The following ZNF469 variants were observed in gnomAD, a reference collection of about 807,000 sequenced individuals.
The protein encoded by ZNF469 is zinc finger protein 469.
ZNF469 carries 1 observed loss-of-function variant against 1.0 expected under a neutral mutation model. The ratio of observed to expected loss-of-function variants is 1.00; its 90% CI spans 0.35 to 4.73. The LOEUF (loss-of-function observed/expected upper bound fraction) is 4.73. Ranked by LOEUF, ZNF469 falls within the 30% of genes most tolerant of loss-of-function variation. The pLI, the probability that ZNF469 is intolerant of heterozygous loss-of-function variation, is 0.16. For missense variants in ZNF469, 6,100 were observed against 5,356.3 expected (o/e 1.14, Z -4.33); for synonymous variants, 2,703 against 2,363.4 (o/e 1.14, Z -4.17).
chr16:88,256,893 TCC>T, the ZNF469 span, among the ~76,000 whole-genome samples: 3 of 46,060 alleles, frequency 6.5e-5, no homozygotes, highest in East Asian at 4.5e-4. Context: ...TTCTTTTCTT[TCC>T]TTCTTTCTTT....
chr16:88,160,518 G>C, the ZNF469 span, among the ~76,000 whole-genome samples: 2 of 152,166 alleles, frequency 1.3e-5, no homozygotes, highest in Non-Finnish European at 2.9e-5. Flanking sequence ...TTTTCTGCGG[G>C]TGCGGGAGGC....
At chr16:88,233,729 C>T in the ZNF469 span, among the ~76,000 whole-genome samples, 6 of 152,248 alleles carry the variant, frequency 3.9e-5, no homozygotes, top group East Asian at 5.8e-4. Context: ...CTGGCTGTGC[C>T]GAGGTGCCTG....
At position 88,393,193 on chromosome 16, in the gene ZNF469, C is replaced by T. The variant is rs1032300808; in HGVS notation, c.-192+9939C>T. The stretch of plus-strand genomic sequence containing the variant: ...AGCCCGTGTGCATTCCTGCCTCGCC[C>T]GCCCTGGAGTGCCCTCCCAGCGGAA... On this transcript the variant is annotated intron_variant, in intron 1 of 2. Coordinates refer to ENST00000565624, the MANE Select transcript of ZNF469 (RefSeq NM_001367624.2). 3.9e-5 allele frequency among the ~76,000 whole-genome samples: 6 copies of T among 152,270 alleles called. No homozygotes were observed. In the East Asian group the frequency reaches 5.8e-4, roughly 15 times the overall value.
the ZNF469 span, among the ~76,000 whole-genome samples, chr16:88,356,891 T>C: frequency 6.6e-6 from 1 of 152,244 alleles, no homozygotes; most frequent in South Asian, 2.1e-4. Context: ...GAATCCCGGC[T>C]CTCCTGTTAG....
chr16:88,356,725 C>T, the ZNF469 span, among the ~76,000 whole-genome samples: 1 of 152,176 alleles, frequency 6.6e-6, no homozygotes, highest in Non-Finnish European at 1.5e-5. Context: ...CGTTCCGTGA[C>T]CTTGACGCAG....
At position 88,434,435 on chromosome 16, in the gene ZNF469, T is replaced by C. The variant is rs531612776; in HGVS notation, c.6965T>C (p.Met2322Thr). ...CCGCCCCACACCAACCCTGACAGGA[T>C]GCCCAGGGGCCACTCCTCGTATTCT... ...GAPPHTNPDRMPRGHSSYSPS... is the reference protein window; with the variant it reads ...GAPPHTNPDRTPRGHSSYSPS... The change falls in exon 3 of 3, where the codon ATG becomes ACG. Residue 2322 changes from methionine (M) to threonine (T), a missense_variant. Met to Thr is a moderately conservative substitution (Grantham distance 81). Transcript: ENST00000565624. The C allele has an allele frequency of 3.7e-5, 57 of 1,549,692 alleles. No homozygotes were observed. In the African/African-American group the frequency reaches 7.0e-4, roughly 19 times the overall value.
chr16:88,114,622 C>T, the ZNF469 span, among the ~76,000 whole-genome samples: 3 of 152,224 alleles, frequency 2.0e-5, no homozygotes, highest in Non-Finnish European at 4.4e-5. Context: ...CATTCTCCTC[C>T]GTGCCTCCAG....
chr16:88,208,274 G>A, the ZNF469 span, among the ~76,000 whole-genome samples: 3 of 151,654 alleles, frequency 2.0e-5, no homozygotes, highest in South Asian at 2.1e-4. Flanking sequence ...GCTCATCTGC[G>A]CTTTCCCTGT....
chr16:88,430,112 C>T lies in ZNF469; in HGVS notation c.2642C>T (p.Ser881Phe), dbSNP rs1404379068. The T allele has an allele frequency of 9.7e-6, 15 of 1,549,694 alleles. No homozygotes were observed. The highest frequency in any genetic ancestry group is 1.2e-5 in the Non-Finnish European group (14 of 1,146,952). Residue 881 changes from serine to phenylalanine, a missense_variant, in exon 3 of 3, where the codon TCC becomes TTC. Transcript: ENST00000565624. ...CCTTCCGGCCCCAGAGGTCCCAGCT[C>T]CGGACACCCCCTTAAGAGCAAGGCG... is the stretch of plus-strand genomic sequence containing the variant. ...EEPSGPRGPS[S>F]GHPLKSKAGV...
the ZNF469 span, among the ~76,000 whole-genome samples, chr16:88,303,524 G>A: frequency 6.6e-6 from 1 of 152,186 alleles, no homozygotes; most frequent in Non-Finnish European, 1.5e-5. Context: ...ACTGCCGGGA[G>A]GAACATTCTA....
chr16:88,382,471 G>A (rs188460509), upstream of ZNF469, among the ~76,000 whole-genome samples: 9 of 152,340 alleles, frequency 5.9e-5, no homozygotes, highest in East Asian at 1.2e-3. Flanking sequence ...AGGTCTGGGG[G>A]CAATGTTAGC....
chr16:88,422,715 A>G (rs1008045792), intron 1 of ZNF469, among the ~76,000 whole-genome samples: 12 of 136,116 alleles, frequency 8.8e-5, no homozygotes, highest in Non-Finnish European at 1.7e-4. Context: ...GAGTGGGTGG[A>G]TGGATGGATG....
chr16:88,108,342 C>T, the ZNF469 span, among the ~76,000 whole-genome samples: 2 of 152,152 alleles, frequency 1.3e-5, no homozygotes, highest in African/African-American at 2.4e-5. Flanking sequence ...CCCTGTGGGA[C>T]AGCGTGTCTG....
At chr16:88,252,392 C>T in the ZNF469 span, among the ~76,000 whole-genome samples, 1 of 150,502 alleles carries the variant, frequency 6.6e-6, no homozygotes, top group Non-Finnish European at 1.5e-5. Context: ...TGGAGTCTGT[C>T]GGGCTGTGAT....
chr16:88,176,531 T>G, the ZNF469 span, among the ~76,000 whole-genome samples: 1 of 152,178 alleles, frequency 6.6e-6, no homozygotes, highest in African/African-American at 2.4e-5. Flanking sequence ...GGGCGTTGGA[T>G]AGCAGAGACG....
At chr16:88,387,136 G>A (rs554706954) in intron 1 of ZNF469, among the ~76,000 whole-genome samples, 1 of 152,312 alleles carries the variant, frequency 6.6e-6, no homozygotes, top group South Asian at 2.1e-4. Flanking sequence ...TAGACACCCA[G>A]AGACCCGCGG....
the ZNF469 span, among the ~76,000 whole-genome samples, chr16:88,324,387 C>T: frequency 2.6e-5 from 4 of 152,248 alleles, no homozygotes; most frequent in Non-Finnish European, 4.4e-5. Context: ...ACAGCTGTGC[C>T]GTCTGGGATG....
At chr16:88,329,355 A>G in the ZNF469 span, among the ~76,000 whole-genome samples, 1 of 152,248 alleles carries the variant, frequency 6.6e-6, no homozygotes, top group Non-Finnish European at 1.5e-5. Flanking sequence ...CTAGCCGATA[A>G]GGGAGGGTGT....
chr16:88,175,184 C>A, the ZNF469 span, among the ~76,000 whole-genome samples: 1 of 152,198 alleles, frequency 6.6e-6, no homozygotes, highest in Non-Finnish European at 1.5e-5. Flanking sequence ...GTGACACCTG[C>A]AAAATCCCCG....
Sources: gnomAD v4.1 joint callset for allele counts (sites outside exome capture counted in the v4.1 genomes callset) on GRCh38, gnomAD v4.1.1 for gene constraint, MANE v1.5 for transcripts, NCBI Gene and HGNC (gene_info 2026-07-23, HGNC 2026-07-21) for gene names.